Variants in ECSCR observed in about 807,000 individuals in gnomAD.
The protein encoded by ECSCR is endothelial cell surface expressed chemotaxis and apoptosis regulator.
Under a neutral mutation model 16.7 loss-of-function variants are expected in ECSCR, and 12 were observed. The ratio of observed to expected loss-of-function variants is 0.72; its 90% confidence interval spans 0.46 to 1.17. ECSCR has a LOEUF of 1.17. Ranked by LOEUF, ECSCR falls within the 50% of genes most tolerant of loss-of-function variation. The pLI, the probability that ECSCR is intolerant of heterozygous loss-of-function variation, is 0.00. For missense variants in ECSCR, 122 were observed against 116.1 expected, an observed-to-expected ratio of 1.05 and a Z score of -0.23; for synonymous variants, 44 against 42.2, an observed-to-expected ratio of 1.04 and a Z score of -0.17.
chr5:139,460,796 C>CTT (rs1751283788), intron 1 of ECSCR, among the ~76,000 whole-genome samples: 1 of 152,138 alleles, frequency 6.6e-6, no homozygotes, highest in Non-Finnish European at 1.5e-5. Flanking sequence ...GCTTTATCCC[C>CTT]TTCTAGTCTA....
chr5:139,457,409 G>A, intron 4 of ECSCR, 136 bp downstream of exon 4: 1 of 714,662 alleles, frequency 1.4e-6, no homozygotes, highest in East Asian at 2.5e-5. Context: ...CACCCTGCAT[G>A]TCATCCTCAG....
In ECSCR at chr5:139,457,805, C is replaced by T; in HGVS notation, c.109G>A (p.Gly37Ser). The T allele has an allele frequency of 6.2e-7, 1 of 1,607,998 alleles. No homozygotes were observed. The highest frequency in any genetic ancestry group is 1.1e-5 in the South Asian group (1 of 90,098). The change falls in exon 3 of 10, where the codon GGC (glycine) becomes AGC (serine). Residue 37 changes from glycine (G) to serine (S), a missense_variant and splice_region_variant. By Grantham distance (56) the Gly-to-Ser change is moderately conservative. Coordinates refer to ENST00000618155, the MANE Select transcript of ECSCR (RefSeq NM_001077693.4). ...TMTQTSSSQG[G>S]LGGLSLTTEP... ...GTGGTCAGACTTAGACCGCCAAGGCCTCCTGAAACAGAACATCTGAGGCTG... is the reference window on the plus strand; with the variant it reads ...GTGGTCAGACTTAGACCGCCAAGGCTTCCTGAAACAGAACATCTGAGGCTG...
intron 8 of ECSCR, among the ~76,000 whole-genome samples, chr5:139,449,880 T>A (rs1013918850): frequency 6.6e-6 from 1 of 151,550 alleles, no homozygotes; most frequent in Non-Finnish European, 1.5e-5. Context: ...AGCCATCGCA[T>A]CCGCTAAAGC....
chr5:139,448,809 G>C lies in ECSCR; in HGVS notation c.*91C>G. The C allele has an allele frequency of 3.3e-6, 5 of 1,518,992 alleles. No individual in the cohort carries two copies. Among genetic ancestry groups the C allele is most frequent in the Non-Finnish European group, 4.4e-6 (5 of 1,139,946 alleles). The allele number at this position is 1,518,992 out of a possible 1,614,324, so 94.1% of individuals were successfully genotyped here. A position where few individuals can be genotyped will look rare whatever the true frequency, so the allele number is the denominator to read the frequency against. On this transcript the variant is annotated 3_prime_UTR_variant, in exon 10 of 10. Coordinates refer to ENST00000618155, the MANE Select transcript of ECSCR (RefSeq NM_001077693.4). Reference sequence around the variant, plus strand: ...TGAAACAATAAAATAATTTACATGTGGTTCATTGCCTCTACTAATTCCATC... The same window carrying C: ...TGAAACAATAAAATAATTTACATGTCGTTCATTGCCTCTACTAATTCCATC...
intron 2 of ECSCR, 122 bp downstream of exon 2, chr5:139,458,017 G>A (rs559264333): frequency 8.1e-7 from 1 of 1,230,750 alleles, no homozygotes; most frequent in African/African-American, 1.5e-5. Flanking sequence ...AGTCCTGAGA[G>A]CTCCCGCTCC....
intron 1 of ECSCR, among the ~76,000 whole-genome samples, chr5:139,458,529 A>G (rs1187644843): frequency 2.4e-5 from 3 of 125,426 alleles, no homozygotes; most frequent in East Asian, 2.2e-4. Context: ...AAAAAAAAAA[A>G]AAAAGAAAGA....
At position 139,449,165 on chromosome 5, in the gene ECSCR, T is replaced by C. The variant is rs1318909379; in HGVS notation, c.522A>G (p.Thr174=). Residue 174 remains threonine, a synonymous_variant, in exon 9 of 10, where the codon ACA becomes ACG. Coordinates refer to ENST00000618155, the MANE Select transcript of ECSCR (RefSeq NM_001077693.4). ...TGATGCTGTCTTTCTCTCCATTGGC[T>C]GTGGAGCAGCTGGGGGAGGAAGGGG... ...GSSGLSESCS[T]ANGEKDSITL... is the part of the protein sequence containing the mutation. The C allele has an allele frequency of 6.5e-6, 10 of 1,536,844 alleles. No individual in the cohort carries two copies. Among genetic ancestry groups the C allele is most frequent in the African/African-American group, 1.4e-5 (1 of 72,988 alleles).
Position 139,457,761 on chromosome 5 carries a change from G to T in ECSCR, c.153C>A (p.Asn51Lys), listed in dbSNP as rs1462486533. The T allele has an allele frequency of 6.2e-7, 1 of 1,613,000 alleles. No individual in the cohort carries two copies. The highest frequency in any genetic ancestry group is 2.2e-5 in the East Asian group (1 of 44,856). ...TCAGCAACCACACTCACTCACCTGG[G>T]TTGGAAGAAACTGGCTCTGTGGTCA... ...LSLTTEPVSS[N>K]PGYIPSSEAN... The change falls in exon 3 of 10, where the codon AAC becomes AAA. Residue 51 changes from asparagine to lysine, a missense_variant. Coordinates refer to ENST00000618155, the MANE Select transcript of ECSCR (RefSeq NM_001077693.4).
chr5:139,451,704 G>C (rs1450353618), intron 8 of ECSCR, among the ~76,000 whole-genome samples: 2 of 140,258 alleles, frequency 1.4e-5, no homozygotes, highest in Non-Finnish European at 3.1e-5. Flanking sequence ...GGGTATGCGT[G>C]GTGTGTTTGT....
At chr5:139,457,898 T>C in intron 2 of ECSCR, 91 bp from the exon 3 acceptor site, 1 of 1,396,088 alleles carries the variant, frequency 7.2e-7, no homozygotes, top group Non-Finnish European at 9.9e-7. Flanking sequence ...TCTTTCTCCC[T>C]ACCCCATCCC....
At chr5:139,449,000 C>G (rs1180125961) in intron 9 of ECSCR, 78 bp downstream of exon 9, 4 of 1,533,580 alleles carry the variant, frequency 2.6e-6, no homozygotes, top group Non-Finnish European at 1.7e-6. Flanking sequence ...TTGAAAGTAT[C>G]TCCTTTCTGG....
At chr5:139,460,566 G>C (rs1186533019) in intron 1 of ECSCR, among the ~76,000 whole-genome samples, 1 of 152,180 alleles carries the variant, frequency 6.6e-6, no homozygotes, top group African/African-American at 2.4e-5. Context: ...GAGTTCCAAA[G>C]TCACAAGCTT....
At chr5:139,458,255 G>GA in intron 1 of ECSCR, 72 bp from the exon 2 acceptor site, 1 of 1,445,556 alleles carries the variant, frequency 6.9e-7, no homozygotes, top group Non-Finnish European at 9.5e-7. Context: ...GGAACCCTTA[G>GA]AATGCCTTCT....
intron 1 of ECSCR, among the ~76,000 whole-genome samples, chr5:139,458,718 C>A (rs1264327758): frequency 6.6e-6 from 1 of 150,948 alleles, no homozygotes; most frequent in African/African-American, 2.4e-5. Context: ...TGATGGCACA[C>A]GCCTGTAATC....
chr5:139,454,048 GTGT>G, intron 8 of ECSCR, among the ~76,000 whole-genome samples: 1 of 146,146 alleles, frequency 6.8e-6, no homozygotes, highest in Non-Finnish European at 1.5e-5. Context: ...TGGAGTGGTG[GTGT>G]GTGTGTGTAG....
chr5:139,454,476 T>C (rs1366220910), intron 8 of ECSCR, 126 bp downstream of exon 8: 4 of 387,974 alleles, frequency 1.0e-5, no homozygotes, highest in African/African-American at 4.3e-5. Flanking sequence ...TGGGGGTGTG[T>C]GTGTGATGTG....
rs377766547 is a variant in ECSCR, at chr5:139,450,478, T to TA, written c.513-1305dup. Reference sequence around the variant, plus strand: ...TGGGCAACAGAGCAAGCCTGTCCCTTAAAAAAAAAAAAAAAAAGGCTGGGC... The same window carrying TA: ...TGGGCAACAGAGCAAGCCTGTCCCTTAAAAAAAAAAAAAAAAAAGGCTGGGC... On this transcript the variant is annotated intron_variant, in intron 8 of 9. Transcript: ENST00000618155. Among the ~76,000 whole-genome samples, 670 of 126,806 alleles carry TA rather than the reference T, an allele frequency of 5.3e-3. 4 individuals carry two copies. Among genetic ancestry groups the TA allele is most frequent in the African/African-American group, 0.017 (530 of 30,868 alleles). The allele number at this position is 126,806 out of a possible 152,430, so 83.2% of individuals were successfully genotyped here.
chr5:139,454,116 TGTGGGGTGTGTGGTGTGTCTGATGA>T (rs1751103987), intron 8 of ECSCR, among the ~76,000 whole-genome samples: 1 of 136,472 alleles, frequency 7.3e-6, no homozygotes, highest in Non-Finnish European at 1.6e-5. Flanking sequence ...ATGTGTGATG[TGTGGGGTGTGTGGTGTGTCTGATGA>T]GTGGGGTGTG....
At chr5:139,461,314 C>T (rs1028964637) in intron 1 of ECSCR, among the ~76,000 whole-genome samples, 1 of 152,190 alleles carries the variant, frequency 6.6e-6, no homozygotes, top group African/African-American at 2.4e-5. Flanking sequence ...TCCTCCAAGT[C>T]TCAAGTCTGC....
Sources: allele counts gnomAD v4.1 joint callset (sites outside exome capture counted in the v4.1 genomes callset), GRCh38; gene constraint gnomAD v4.1.1; transcripts MANE v1.5; gene names NCBI Gene and HGNC (gene_info 2026-07-23, HGNC 2026-07-21).